The following GULP1 variants were observed in gnomAD, a reference collection of about 807,000 sequenced individuals.
GULP1 encodes PTB domain-containing engulfment adapter protein 1.
Under a neutral mutation model 40.9 loss-of-function variants are expected in GULP1, and 19 were observed. That is an observed-to-expected ratio of 0.46 (90% CI 0.32 to 0.68). The LOEUF (loss-of-function observed/expected upper bound fraction) is 0.68. Among genes scored for constraint, GULP1 ranks in the 30% least tolerant of loss-of-function variants. GULP1 has a pLI of 0.03. For synonymous variants in GULP1, 119 were observed against 117.6 expected (o/e 1.01, Z -0.08); for missense variants, 312 against 362.2 (o/e 0.86, Z 1.12).
At chr2:188,351,512 A>G (rs1278835550) in intron 1 of GULP1, among the ~76,000 whole-genome samples, 1 of 152,206 alleles carries the variant, frequency 6.6e-6, no homozygotes, top group Admixed American at 6.5e-5. Context: ...GTTCCTAAGT[A>G]GGAAAAATGT....
intron 1 of GULP1, among the ~76,000 whole-genome samples, chr2:188,372,163 T>G (rs907114811): frequency 1.1e-4 from 17 of 152,122 alleles, no homozygotes; most frequent in African/African-American, 3.9e-4. Context: ...TGAGATAATG[T>G]ATTGTGCTGA....
chr2:188,460,723 T>A (rs2152959888), intron 2 of GULP1, among the ~76,000 whole-genome samples: 1 of 152,314 alleles, frequency 6.6e-6, no homozygotes, highest in African/African-American at 2.4e-5. Context: ...ATCCTTGTTG[T>A]GTTCAGATTT....
chr2:188,396,193 C>T (rs1445083299), intron 2 of GULP1, among the ~76,000 whole-genome samples: 2 of 152,186 alleles, frequency 1.3e-5, no homozygotes, highest in Non-Finnish European at 2.9e-5. Flanking sequence ...GGGAAGTACT[C>T]TGGTTTCTTA....
At chr2:188,477,042 C>A (rs2061072004) in intron 2 of GULP1, among the ~76,000 whole-genome samples, 1 of 151,976 alleles carries the variant, frequency 6.6e-6, no homozygotes, top group African/African-American at 2.4e-5. Flanking sequence ...ATTAAGAGGA[C>A]CTCTTGGATG....
chr2:188,430,029 A>T (rs935609764), intron 2 of GULP1, among the ~76,000 whole-genome samples: 2 of 152,134 alleles, frequency 1.3e-5, no homozygotes, highest in African/African-American at 4.8e-5. Flanking sequence ...AAATTTTACA[A>T]CCTTACAGTG....
At chr2:188,562,535 AT>A (rs1696574401) in intron 7 of GULP1, among the ~76,000 whole-genome samples, 10 of 152,226 alleles carry the variant, frequency 6.6e-5, no homozygotes, top group Admixed American at 6.5e-4. Flanking sequence ...TTATTAAAAA[AT>A]GAAACAAAAT....
At chr2:188,556,787 G>A (rs1694867026) in intron 7 of GULP1, among the ~76,000 whole-genome samples, 1 of 152,158 alleles carries the variant, frequency 6.6e-6, no homozygotes, top group African/African-American at 2.4e-5. Context: ...TGTAATCCCA[G>A]CACTTTGGGA....
intron 1 of GULP1, among the ~76,000 whole-genome samples, chr2:188,366,470 C>T (rs1040871880): frequency 6.6e-6 from 1 of 152,040 alleles, no homozygotes; most frequent in Non-Finnish European, 1.5e-5. Flanking sequence ...GCATCTATTG[C>T]ATCTGAACTA....
chr2:188,446,852 A>ACTG (rs1414269030), intron 2 of GULP1, among the ~76,000 whole-genome samples: 1 of 23,124 alleles, frequency 4.3e-5, no homozygotes, highest in Admixed American at 4.6e-4. Context: ...GGTCACTTTC[A>ACTG]TTGAGTGATA....
chr2:188,298,442 A>G, intron 1 of GULP1, among the ~76,000 whole-genome samples: 1 of 152,214 alleles, frequency 6.6e-6, no homozygotes, highest in South Asian at 2.1e-4. Flanking sequence ...TTGAGTAAAC[A>G]AATTTTATTT....
Position 188,352,607 on chromosome 2 carries a change from C to CTG in GULP1, c.-171-31155_-171-31154insGT, listed in dbSNP as rs2044612944. 1.1e-4 allele frequency among the ~76,000 whole-genome samples: 11 copies of CTG among 98,000 alleles called. No homozygotes were observed. The Admixed American group carries it at 1.5e-3, about 14-fold the overall frequency. The allele number at this position is 98,000 out of a possible 152,430, so 64.3% of individuals were successfully genotyped here. A position where few individuals can be genotyped will look rare whatever the true frequency, so the allele number is the denominator to read the frequency against. Reference sequence around the variant, plus strand: ...TCACTTGTTCTTGCTCTCTTTCTCTCTCTCTCTCTCTCACACACACACACA... The same window carrying CTG: ...TCACTTGTTCTTGCTCTCTTTCTCTCTGTCTCTCTCTCTCACACACACACACA... On this transcript the variant is annotated intron_variant, in intron 1 of 11. Coordinates refer to ENST00000409830, the MANE Select transcript of GULP1 (RefSeq NM_016315.4).
chr2:188,474,207 A>T (rs1038227509), intron 2 of GULP1, among the ~76,000 whole-genome samples: 1 of 152,254 alleles, frequency 6.6e-6, no homozygotes, highest in African/African-American at 2.4e-5. Context: ...GAATGGAAAG[A>T]AGGGGTCTCT....
At chr2:188,579,855 T>G (rs928848556) in intron 9 of GULP1, among the ~76,000 whole-genome samples, 4 of 152,174 alleles carry the variant, frequency 2.6e-5, no homozygotes, top group Non-Finnish European at 5.9e-5. Context: ...GTAAGGTTAT[T>G]TTGACCTTCA....
intron 4 of GULP1, among the ~76,000 whole-genome samples, chr2:188,505,844 AACAAG>A (rs779620762): frequency 5.3e-5 from 8 of 151,908 alleles, no homozygotes; most frequent in Admixed American, 1.3e-4. Flanking sequence ...TGCATCATTT[AACAAG>A]ACAAGTTTCA....
At chr2:188,565,170 C>A (rs1697342223) in intron 7 of GULP1, among the ~76,000 whole-genome samples, 1 of 151,784 alleles carries the variant, frequency 6.6e-6, no homozygotes, top group South Asian at 2.1e-4. Flanking sequence ...ACCCCAAAAG[C>A]ACTACACATG....
chr2:188,559,111 G>T (rs1434958807), intron 7 of GULP1, among the ~76,000 whole-genome samples: 3 of 152,208 alleles, frequency 2.0e-5, no homozygotes, highest in Non-Finnish European at 4.4e-5. Context: ...TGTCTCCAGG[G>T]CATGTCAGAG....
At chr2:188,399,067 C>A (rs919186067) in intron 2 of GULP1, among the ~76,000 whole-genome samples, 1 of 152,178 alleles carries the variant, frequency 6.6e-6, no homozygotes, top group Non-Finnish European at 1.5e-5. Flanking sequence ...GCAATCTGTG[C>A]TATGTACTAA....
chr2:188,569,714 T>A, intron 8 of GULP1: 1 of 352,304 alleles, frequency 2.8e-6, no homozygotes, highest in South Asian at 3.1e-5. Context: ...TTCAAAATCA[T>A]CATAAGCAAG....
At chr2:188,522,324 A>G (rs572162495) in intron 4 of GULP1, among the ~76,000 whole-genome samples, 3 of 152,112 alleles carry the variant, frequency 2.0e-5, no homozygotes, top group Non-Finnish European at 2.9e-5. Context: ...GACGTGAGAA[A>G]AAAAAGAAAT....
Sources: allele counts gnomAD v4.1 joint callset (sites outside exome capture counted in the v4.1 genomes callset), GRCh38; gene constraint gnomAD v4.1.1; transcripts MANE v1.5; gene names NCBI Gene and HGNC (gene_info 2026-07-23, HGNC 2026-07-21).